EPC2: variants seen among roughly 807,000 people sequenced by gnomAD.
The protein encoded by EPC2 is enhancer of polycomb 2.
A neutral mutation model predicts 92.1 loss-of-function variants in EPC2; 14 were observed. That is an observed-to-expected ratio of 0.15 (90% confidence interval 0.10 to 0.24). The LOEUF is 0.24. Ranked by LOEUF, EPC2 falls within the 10% of genes least tolerant of loss-of-function variation. The probability of loss-of-function intolerance (pLI) is 1.00; values close to 1 mark genes in which losing one functional copy is unlikely to be tolerated. For synonymous variants in EPC2, 340 were observed against 334.7 expected (o/e 1.02, Z -0.17); for missense variants, 755 against 971.5 (o/e 0.78, Z 2.96).
intron 10 of EPC2, among the ~76,000 whole-genome samples, chr2:148,772,621 A>G (rs1450097886): frequency 6.6e-6 from 1 of 152,180 alleles, no homozygotes; most frequent in African/African-American, 2.4e-5. Context: ...AGAAATTGGC[A>G]TATCATTTAT....
In EPC2 at chr2:148,761,998, G is replaced by T. The variant is rs528219708; in HGVS notation, c.815+68G>T. On this transcript the variant is annotated intron_variant, in intron 5 of 13. Coordinates refer to ENST00000258484, the MANE Select transcript of EPC2 (RefSeq NM_015630.4). The stretch of plus-strand genomic sequence containing the variant: ...AAATGATGGGCAAAATGAACCAAAA[G>T]ATTTTTAGGGGGGAACAGGTTAAGC... 302 of 1,306,606 alleles carry T rather than the reference G, an allele frequency of 2.3e-4. 2 individuals are homozygous for T. In the East Asian group the frequency reaches 7.9e-3, roughly 34 times the overall value. The allele number at this position is 1,306,606 out of a possible 1,614,324, so 80.9% of individuals were successfully genotyped here.
chr2:148,646,157 T>G (rs796331636), intron 1 of EPC2, among the ~76,000 whole-genome samples: 13 of 152,168 alleles, frequency 8.5e-5, no homozygotes, highest in African/African-American at 3.1e-4. Flanking sequence ...GAACCTACAG[T>G]CCCGCCTTAT....
intron 1 of EPC2, among the ~76,000 whole-genome samples, chr2:148,651,447 C>G (rs1680681824): frequency 6.6e-6 from 1 of 152,068 alleles, no homozygotes; most frequent in Non-Finnish European, 1.5e-5. Context: ...AACATAGAAG[C>G]ACTCAGTAAA....
intron 1 of EPC2, among the ~76,000 whole-genome samples, chr2:148,665,201 T>C (rs562146817): frequency 3.9e-5 from 6 of 152,228 alleles, no homozygotes; most frequent in Non-Finnish European, 8.8e-5. Context: ...TGTTTTCATA[T>C]ATAGGTATCT....
intron 8 of EPC2, among the ~76,000 whole-genome samples, chr2:148,769,732 A>G (rs1313050563): frequency 2.0e-5 from 3 of 152,184 alleles, no homozygotes; most frequent in Non-Finnish European, 4.4e-5. Flanking sequence ...ACACACCTAG[A>G]AGTTGCTTTA....
chr2:148,718,728 T>A (rs554874887), intron 2 of EPC2, among the ~76,000 whole-genome samples: 1 of 152,326 alleles, frequency 6.6e-6, no homozygotes, highest in South Asian at 2.1e-4. Context: ...GGGATGATTC[T>A]TCTCATGGAG....
intron 2 of EPC2, among the ~76,000 whole-genome samples, chr2:148,691,111 C>T (rs989961548): frequency 2.0e-5 from 3 of 152,134 alleles, no homozygotes; most frequent in Admixed American, 1.3e-4. Flanking sequence ...TACTTTTCTC[C>T]CACTGTTAGT....
chr2:148,723,438 A>C (rs942371909), intron 2 of EPC2, among the ~76,000 whole-genome samples: 1 of 152,098 alleles, frequency 6.6e-6, no homozygotes, highest in East Asian at 1.9e-4. Flanking sequence ...ATTACAGTTT[A>C]GGTTTTCCAG....
intron 4 of EPC2, among the ~76,000 whole-genome samples, chr2:148,757,352 G>T (rs113367467): frequency 0.01 from 1,523 of 152,180 alleles, 25 homozygotes; most frequent in African/African-American, 0.034. Flanking sequence ...CTCCAGCCTG[G>T]GTGACAGTGC....
chr2:148,743,500 TCTC>T (rs1431075315), intron 2 of EPC2, 119 bp from the exon 3 acceptor site: 3 of 650,724 alleles, frequency 4.6e-6, no homozygotes, highest in South Asian at 3.5e-5. Flanking sequence ...GTGGATACCT[TCTC>T]CTGAGCTCCC....
At chr2:148,739,843 T>G (rs1232854477) in intron 2 of EPC2, among the ~76,000 whole-genome samples, 1 of 135,036 alleles carries the variant, frequency 7.4e-6, no homozygotes, top group Non-Finnish European at 1.6e-5. Flanking sequence ...CTTTTTTTTT[T>G]TTTTTTTTTT....
chr2:148,691,447 C>G, intron 2 of EPC2: 4 of 1,425,888 alleles, frequency 2.8e-6, no homozygotes, highest in Non-Finnish European at 3.8e-6. Context: ...TTAAAGAGTT[C>G]CCTGTGTGAT....
Position 148,774,676 on chromosome 2 carries a change from G to A in EPC2, c.1720+3289G>A, listed in dbSNP as rs181218126. Among the ~76,000 whole-genome samples, 44 of 148,208 alleles carry A rather than the reference G, an allele frequency of 3.0e-4. 1 individual carries two copies. Among genetic ancestry groups the A allele is most frequent in the Admixed American group, 1.4e-4 (2 of 14,224 alleles). Reference sequence around the variant, plus strand: ...ATTTGTTATCTTTTATATACTTGAAGGAAAATTGAAAAGTGTATCCTAGAT... The same window carrying A: ...ATTTGTTATCTTTTATATACTTGAAAGAAAATTGAAAAGTGTATCCTAGAT... On this transcript the variant is annotated intron_variant, in intron 10 of 13. Transcript: ENST00000258484.
chr2:148,655,025 CTT>C (rs1559138815), intron 1 of EPC2, among the ~76,000 whole-genome samples: 1 of 152,072 alleles, frequency 6.6e-6, no homozygotes, highest in Non-Finnish European at 1.5e-5. Context: ...TGGATGAACA[CTT>C]TTGTTTGGAA....
intron 2 of EPC2, among the ~76,000 whole-genome samples, chr2:148,712,934 C>T (rs1004923723): frequency 1.3e-5 from 2 of 151,096 alleles, no homozygotes; most frequent in East Asian, 2.0e-4. Flanking sequence ...TGGTGGCTCA[C>T]ACCGGTAATC....
intron 2 of EPC2, among the ~76,000 whole-genome samples, chr2:148,717,739 A>C (rs1682287477): frequency 6.6e-6 from 1 of 152,078 alleles, no homozygotes; most frequent in African/African-American, 2.4e-5. Context: ...TTGGGTGGAG[A>C]GTTCTATAGG....
intron 10 of EPC2, among the ~76,000 whole-genome samples, chr2:148,780,365 A>G (rs1234773031): frequency 6.6e-6 from 1 of 152,172 alleles, no homozygotes; most frequent in Non-Finnish European, 1.5e-5. Flanking sequence ...TTTCATAGAA[A>G]ATAGACTGTA....
chr2:148,704,610 CAGTG>C (rs1286904834), intron 2 of EPC2, among the ~76,000 whole-genome samples: 1 of 152,192 alleles, frequency 6.6e-6, no homozygotes, highest in African/African-American at 2.4e-5. Context: ...TGATGAGTCA[CAGTG>C]AGTATCAAGT....
At chr2:148,724,074 G>T (rs74378279) in intron 2 of EPC2, among the ~76,000 whole-genome samples, 3,826 of 152,172 alleles carry the variant, frequency 0.025, 55 homozygotes, top group East Asian at 0.032. Flanking sequence ...GTTTTTGACT[G>T]TAAAATGTAG....
Sources: gnomAD v4.1 joint callset for allele counts (sites outside exome capture counted in the v4.1 genomes callset) on GRCh38, gnomAD v4.1.1 for gene constraint, MANE v1.5 for transcripts, NCBI Gene and HGNC (gene_info 2026-07-23, HGNC 2026-07-21) for gene names.